HDAC4: variants seen among roughly 807,000 people sequenced by gnomAD.
HDAC4 encodes the protein histone deacetylase 4.
HDAC4 carries 16 observed loss-of-function variants against 135.1 expected under a neutral mutation model. The ratio of observed to expected loss-of-function variants is 0.12; its 90% CI spans 0.08 to 0.18. The LOEUF (loss-of-function observed/expected upper bound fraction) is 0.18. Among genes scored for constraint, HDAC4 ranks in the 10% least tolerant of loss-of-function variants. The pLI, the probability that HDAC4 is intolerant of heterozygous loss-of-function variation, is 1.00. For missense variants in HDAC4, 1,143 were observed against 1,511.8 expected, an observed-to-expected ratio of 0.76 and a Z score of 4.05; for synonymous variants, 685 against 653.4, an observed-to-expected ratio of 1.05 and a Z score of -0.74.
chr2:239,097,563 T>C (rs2037220278), intron 16 of HDAC4, among the ~76,000 whole-genome samples: 1 of 152,240 alleles, frequency 6.6e-6, no homozygotes, highest in African/African-American at 2.4e-5. Flanking sequence ...CTCTCCTCTG[T>C]GCCTTGGTGA....
chr2:239,281,837 C>G (rs1394074443), intron 2 of HDAC4, among the ~76,000 whole-genome samples: 1 of 150,214 alleles, frequency 6.7e-6, no homozygotes, highest in Admixed American at 6.6e-5. Flanking sequence ...ACACACCACT[C>G]TACAATGAAC....
chr2:239,115,299 C>T lies in HDAC4; in HGVS notation c.1545G>A (p.Lys515=), dbSNP rs2039030754. 1.9e-6 allele frequency: 3 copies of T among 1,613,226 alleles called. No individual in the cohort carries two copies. The highest frequency in any genetic ancestry group is 2.5e-6 in the Non-Finnish European group (3 of 1,180,002). The change falls in exon 13 of 27, where the codon AAG becomes AAA. Residue 515 remains lysine, a synonymous_variant. Coordinates refer to ENST00000543185, the MANE Select transcript of HDAC4 (RefSeq NM_001378414.1). The surrounding 1 kb of genome is among the most constrained non-coding windows in gnomAD (Gnocchi z 6.3). The part of the protein sequence containing the change: ...QQLQMNKIIP[K]PSEPARQPES... ...CCGGCTGCCGGGCTGGCTCGCTTGG[C>T]TTGGGGATGATCTGCAAGGCGGAGG...
intron 18 of HDAC4, 128 bp from the exon 19 acceptor site, chr2:239,087,742 T>G: frequency 1.2e-6 from 1 of 856,520 alleles, no homozygotes; most frequent in Admixed American, 2.0e-5. Flanking sequence ...TGCTGCACCC[T>G]GGCCACAGTG....
intron 7 of HDAC4, among the ~76,000 whole-genome samples, chr2:239,150,224 TAC>T (rs1257121323): frequency 6.6e-6 from 1 of 151,018 alleles, no homozygotes; most frequent in Non-Finnish European, 1.5e-5. Flanking sequence ...GACACACAGA[TAC>T]ACACACAGAA....
chr2:239,061,637 A>G (rs1320780891), intron 24 of HDAC4, among the ~76,000 whole-genome samples: 1 of 152,174 alleles, frequency 6.6e-6, no homozygotes, highest in Non-Finnish European at 1.5e-5. Flanking sequence ...TGTGAGAGGA[A>G]GAGTGACTGG....
chr2:239,255,637 C>T (rs554630569), intron 2 of HDAC4, among the ~76,000 whole-genome samples: 1 of 152,312 alleles, frequency 6.6e-6, no homozygotes, highest in East Asian at 1.9e-4. Flanking sequence ...TTGGCTTCTT[C>T]TCATTATAAG....
intron 3 of HDAC4, among the ~76,000 whole-genome samples, chr2:239,192,377 A>G (rs946645730): frequency 6.6e-6 from 1 of 152,168 alleles, no homozygotes; most frequent in African/African-American, 2.4e-5. Context: ...TTATGACAAA[A>G]TATAGCAAAA....
chr2:239,177,477 G>C (rs567353952), intron 4 of HDAC4, among the ~76,000 whole-genome samples: 1 of 152,230 alleles, frequency 6.6e-6, no homozygotes, highest in Non-Finnish European at 1.5e-5. Context: ...CTGCCTCTGC[G>C]GGGGTGAGGT....
At chr2:239,134,792 C>A in intron 9 of HDAC4, 149 bp from the exon 10 acceptor site, 1 of 710,212 alleles carries the variant, frequency 1.4e-6, no homozygotes, top group Non-Finnish European at 2.6e-6. Context: ...GCAATGAGAG[C>A]ATGAGATTTC....
chr2:239,230,402 G>A (rs922252323), intron 3 of HDAC4, among the ~76,000 whole-genome samples: 3 of 140,220 alleles, frequency 2.1e-5, no homozygotes, highest in Admixed American at 7.0e-5. Flanking sequence ...CAAAGCAGGT[G>A]ACATGTTCCG....
intron 7 of HDAC4, among the ~76,000 whole-genome samples, chr2:239,152,329 TA>T (rs1314331188): frequency 6.6e-6 from 1 of 152,192 alleles, no homozygotes; most frequent in Non-Finnish European, 1.5e-5. Flanking sequence ...TGACTATATT[TA>T]AAAATACACA....
intron 4 of HDAC4, among the ~76,000 whole-genome samples, chr2:239,178,954 G>T (rs1007605419): frequency 1.3e-5 from 2 of 150,882 alleles, no homozygotes; most frequent in African/African-American, 4.9e-5. Context: ...GATGCCCGAG[G>T]CATAGAGTGG....
rs145151209 is a variant in HDAC4, at chr2:239,099,591, A to G, written c.2233+3185T>C. On this transcript the variant is annotated intron_variant, in intron 16 of 26. Coordinates refer to ENST00000543185, the MANE Select transcript of HDAC4 (RefSeq NM_001378414.1). Reference sequence around the variant, plus strand: ...CACTCTAGCCTCAGTGCCTCGATGCATGGCCTTTGTCCACCCAGCTCCCGG... The same window carrying G: ...CACTCTAGCCTCAGTGCCTCGATGCGTGGCCTTTGTCCACCCAGCTCCCGG... Among the ~76,000 whole-genome samples, 150 of 152,288 alleles carry G rather than the reference A, an allele frequency of 9.8e-4. 1 individual carries two copies. Among genetic ancestry groups the G allele is most frequent in the African/African-American group, 3.5e-3 (147 of 41,572 alleles).
chr2:239,333,843 A>G (rs1364491959), intron 2 of HDAC4, among the ~76,000 whole-genome samples: 2 of 152,214 alleles, frequency 1.3e-5, no homozygotes, highest in Admixed American at 1.3e-4. Flanking sequence ...CACAGAACTT[A>G]TAGCAAATTT....
intron 2 of HDAC4, among the ~76,000 whole-genome samples, chr2:239,247,459 G>T (rs896332228): frequency 1.3e-5 from 2 of 152,190 alleles, no homozygotes; most frequent in Non-Finnish European, 2.9e-5. Flanking sequence ...CACAGTACGT[G>T]CGGGGCGAGA....
chr2:239,054,882 G>A (rs764161036), intron 24 of HDAC4, 49 bp from the exon 25 acceptor site: 11 of 1,263,158 alleles, frequency 8.7e-6, no homozygotes, highest in Admixed American at 1.7e-5. Context: ...TAATCCACAC[G>A]TGCGTTAGAC....
In HDAC4 at chr2:239,238,215, T is replaced by C. The variant is rs368873934; in HGVS notation, c.23-1551A>G. 2.6e-4 allele frequency among the ~76,000 whole-genome samples: 39 copies of C among 152,290 alleles called. No individual in the cohort carries two copies. In the East Asian group the frequency reaches 7.3e-3, roughly 29 times the overall value. On this transcript the variant is annotated intron_variant, in intron 2 of 26. Transcript: ENST00000543185. Reference sequence around the variant, plus strand: ...AGCCTTTTTTTCCCCTAAAAATAAATATATTTGTATTCATTTTTATAATAA... The same window carrying C: ...AGCCTTTTTTTCCCCTAAAAATAAACATATTTGTATTCATTTTTATAATAA...
At chr2:239,161,715 C>T in intron 6 of HDAC4, 1 of 346,788 alleles carries the variant, frequency 2.9e-6, no homozygotes, top group Non-Finnish European at 5.6e-6. Context: ...AAAGCCAGGG[C>T]ACGCCGCCCT....
chr2:239,394,204 T>C (rs1696415668), intron 1 of HDAC4, among the ~76,000 whole-genome samples: 1 of 152,030 alleles, frequency 6.6e-6, no homozygotes, highest in Admixed American at 6.6e-5. Context: ...TAAACATCAA[T>C]CCAGCAAAAG....
Sources: gnomAD v4.1 joint callset for allele counts (sites outside exome capture counted in the v4.1 genomes callset) on GRCh38, gnomAD v4.1.1 for gene constraint, Gnocchi (gnomAD v3.1) non-coding constraint, MANE v1.5 for transcripts, NCBI Gene and HGNC (gene_info 2026-07-23, HGNC 2026-07-21) for gene names.